ACSS3: variants seen among roughly 807,000 people sequenced by gnomAD.
The protein encoded by ACSS3 is acyl-CoA synthetase short-chain family member 3, mitochondrial.
A neutral mutation model predicts 84.2 loss-of-function variants in ACSS3; 64 were observed. That is an observed-to-expected ratio of 0.76 (90% CI 0.62 to 0.94). ACSS3 has a LOEUF of 0.94. ACSS3 is among the 40% of genes least tolerant of loss of function. The pLI, the probability that ACSS3 is intolerant of heterozygous loss-of-function variation, is 0.00. For synonymous variants in ACSS3, 317 were observed against 310.1 expected (o/e 1.02, Z -0.23); for missense variants, 815 against 867.6 (o/e 0.94, Z 0.76).
chr12:81,221,976 T>C (rs2033125710), intron 11 of ACSS3, among the ~76,000 whole-genome samples: 1 of 152,070 alleles, frequency 6.6e-6, no homozygotes, highest in Non-Finnish European at 1.5e-5. Context: ...ACTCTAATTA[T>C]GGGCTGCTTC....
intron 8 of ACSS3, among the ~76,000 whole-genome samples, chr12:81,177,175 C>G (rs747816870): frequency 6.6e-6 from 1 of 152,092 alleles, no homozygotes; most frequent in South Asian, 2.1e-4. Flanking sequence ...AATAATAAGG[C>G]TCATCTATAA....
At chr12:81,103,804 C>T (rs1285893349) in intron 1 of ACSS3, among the ~76,000 whole-genome samples, 1 of 151,864 alleles carries the variant, frequency 6.6e-6, no homozygotes, top group African/African-American at 2.4e-5. Flanking sequence ...ATTCCAAGTT[C>T]AAGTTTTTTG....
chr12:81,129,800 C>T (rs188368359), intron 2 of ACSS3, among the ~76,000 whole-genome samples: 32 of 133,782 alleles, frequency 2.4e-4, no homozygotes, highest in African/African-American at 6.3e-4. Flanking sequence ...GATAGGCCCC[C>T]GTGTGTGATA....
chr12:81,082,470 T>A (rs1565965924), intron 1 of ACSS3, among the ~76,000 whole-genome samples: 1 of 151,934 alleles, frequency 6.6e-6, no homozygotes. Flanking sequence ...TGAGTAGGAG[T>A]TAGACATGTG....
chr12:81,220,427 A>G (rs184328250), intron 11 of ACSS3, among the ~76,000 whole-genome samples: 70 of 152,222 alleles, frequency 4.6e-4, no homozygotes, highest in Non-Finnish European at 8.4e-4. Flanking sequence ...CATTAACTTC[A>G]TAATATACAT....
In ACSS3 at chr12:81,259,997, A is replaced by G. The variant is rs74583682; in HGVS notation, c.*5075A>G. ...AAATTGGGTTGAATTGACCTATTTCATAATGTAGATTTATATTCTAGTTCA... is the reference window on the plus strand; with the variant it reads ...AAATTGGGTTGAATTGACCTATTTCGTAATGTAGATTTATATTCTAGTTCA... On this transcript the variant is annotated 3_prime_UTR_variant, in exon 16 of 16. Coordinates refer to ENST00000548058, the MANE Select transcript of ACSS3 (RefSeq NM_024560.4). 665 of 197,728 alleles carry G rather than the reference A, an allele frequency of 3.4e-3. 4 individuals carry two copies. The highest frequency in any genetic ancestry group is 0.014 in the African/African-American group (626 of 43,346). 12.2% of individuals were successfully genotyped at this position (197,728 alleles called of 1,614,324 possible). A position where few individuals can be genotyped will look rare whatever the true frequency, so the allele number is the denominator to read the frequency against.
At chr12:81,211,286 A>G (rs966645227) in intron 9 of ACSS3, among the ~76,000 whole-genome samples, 21 of 151,894 alleles carry the variant, frequency 1.4e-4, no homozygotes, top group African/African-American at 4.8e-4. Flanking sequence ...TTAATTTTTA[A>G]TTTCAATTTT....
At chr12:81,234,067 C>T (rs2033552267) in intron 13 of ACSS3, among the ~76,000 whole-genome samples, 1 of 151,444 alleles carries the variant, frequency 6.6e-6, no homozygotes, top group South Asian at 2.1e-4. Context: ...CCTGTCTATT[C>T]TGACTCTGGT....
At position 81,233,778 on chromosome 12, in the gene ACSS3, G is replaced by A. The variant is rs146956174; in HGVS notation, c.1719+307G>A. Among the ~76,000 whole-genome samples, 225 of 151,630 alleles carry A rather than the reference G, an allele frequency of 1.5e-3. 2 individuals are homozygous for A. Among genetic ancestry groups the A allele is most frequent in the African/African-American group, 5.2e-3 (214 of 41,448 alleles). On this transcript the variant is annotated intron_variant, in intron 13 of 15. Coordinates refer to ENST00000548058, the MANE Select transcript of ACSS3 (RefSeq NM_024560.4). ...ATGCCTCTAGCTTCTTGATTTACTCGTGTTTAATCATCAGGTTTGCACATG... is the reference window on the plus strand; with the variant it reads ...ATGCCTCTAGCTTCTTGATTTACTCATGTTTAATCATCAGGTTTGCACATG...
At position 81,199,585 on chromosome 12, in the gene ACSS3, G is replaced by A; in HGVS notation, c.1354+141G>A. ...GTGGTTCAGGTTTCAGTAAAAATAAGCAATTTTTTTATTGTTGTGTTATTA... is the reference window on the plus strand; with the variant it reads ...GTGGTTCAGGTTTCAGTAAAAATAAACAATTTTTTTATTGTTGTGTTATTA... On this transcript the variant is annotated intron_variant, in intron 9 of 15. Transcript: ENST00000548058. 2.7e-6 allele frequency: 4 copies of A among 1,477,764 alleles called. 1 individual carries two copies. Among genetic ancestry groups the A allele is most frequent in the Non-Finnish European group, 3.6e-6 (4 of 1,096,462 alleles). 91.5% of individuals were successfully genotyped at this position (1,477,764 alleles called of 1,614,324 possible).
At chr12:81,246,365 A>G (rs1181114734) in intron 13 of ACSS3, among the ~76,000 whole-genome samples, 2 of 152,120 alleles carry the variant, frequency 1.3e-5, no homozygotes, top group African/African-American at 2.4e-5. Flanking sequence ...TGACTCCCCT[A>G]CTTGTTTTCC....
chr12:81,173,344 G>A (rs1487983470), intron 7 of ACSS3, among the ~76,000 whole-genome samples: 3 of 152,088 alleles, frequency 2.0e-5, no homozygotes, highest in Admixed American at 1.3e-4. Context: ...TAGTGCTTTA[G>A]ACTAAACAGT....
chr12:81,082,884 G>T (rs1050203231), intron 1 of ACSS3, among the ~76,000 whole-genome samples: 1 of 152,146 alleles, frequency 6.6e-6, no homozygotes, highest in African/African-American at 2.4e-5. Flanking sequence ...AGCTTGTAAA[G>T]TGCCTAGGAC....
At chr12:81,137,321 TCACACACACACACACACACA>T (rs57701806) in intron 3 of ACSS3, among the ~76,000 whole-genome samples, 25 of 141,818 alleles carry the variant, frequency 1.8e-4, no homozygotes, top group African/African-American at 6.1e-4. Flanking sequence ...TTTTCATCCA[TCACACACACACACACACACA>T]CACACACACA....
intron 9 of ACSS3, among the ~76,000 whole-genome samples, chr12:81,212,830 A>T (rs540036237): frequency 4.3e-4 from 66 of 152,300 alleles, no homozygotes; most frequent in East Asian, 2.7e-3. Flanking sequence ...GATACCATGA[A>T]GTTTGTCCTT....
At chr12:81,204,856 C>T (rs1448986326) in intron 9 of ACSS3, among the ~76,000 whole-genome samples, 1 of 152,128 alleles carries the variant, frequency 6.6e-6, no homozygotes, top group East Asian at 1.9e-4. Flanking sequence ...TTGTTTTCAT[C>T]ACTTTAATGG....
chr12:81,148,185 A>T (rs541531348), intron 5 of ACSS3, among the ~76,000 whole-genome samples: 1 of 152,096 alleles, frequency 6.6e-6, no homozygotes, highest in Admixed American at 6.5e-5. Context: ...TATTTTTACA[A>T]TGAAGAATCC....
chr12:81,087,097 A>G (rs554260864), intron 1 of ACSS3, among the ~76,000 whole-genome samples: 7 of 152,280 alleles, frequency 4.6e-5, no homozygotes, highest in South Asian at 4.1e-4. Context: ...AAGGAGTCCA[A>G]TTGGAAATAC....
intron 1 of ACSS3, among the ~76,000 whole-genome samples, chr12:81,098,473 A>G (rs551254882): frequency 1.1e-4 from 16 of 152,198 alleles, no homozygotes; most frequent in African/African-American, 3.1e-4. Flanking sequence ...CTGTGGTGAA[A>G]TTAGTTTCCT....
Sources: allele counts gnomAD v4.1 joint callset (sites outside exome capture counted in the v4.1 genomes callset), GRCh38; gene constraint gnomAD v4.1.1; transcripts MANE v1.5; gene names NCBI Gene and HGNC (gene_info 2026-07-23, HGNC 2026-07-21).